The following SHOC1 variants were observed in gnomAD, a reference collection of about 807,000 sequenced individuals.
The protein encoded by SHOC1 is protein shortage in chiasmata 1 ortholog.
Under a neutral mutation model 179.2 loss-of-function variants are expected in SHOC1, and 136 were observed. The ratio of observed to expected loss-of-function variants is 0.76; its 90% CI spans 0.66 to 0.87. The LOEUF is 0.87. Ranked by LOEUF, SHOC1 falls within the 40% of genes least tolerant of loss-of-function variation. SHOC1 has a pLI of 0.00. For synonymous variants in SHOC1, 489 were observed against 586.6 expected (o/e 0.83, Z 2.41); for missense variants, 1,538 against 1,700.8 (o/e 0.90, Z 1.68).
At position 111,775,971 on chromosome 9, in the gene SHOC1, T is replaced by G; in HGVS notation, c.262A>C (p.Thr88Pro). ...FFVEDFLEKK[T>P]ITRMVTQINC... is the part of the protein sequence containing the mutation. Reference sequence around the variant, plus strand: ...ATCTGGGTCACCATTCTTGTAATTGTTTTTCTGTGACAATATAAAATTACT... The same window carrying G: ...ATCTGGGTCACCATTCTTGTAATTGGTTTTCTGTGACAATATAAAATTACT... The change falls in exon 5 of 28, where the codon ACA becomes CCA. Residue 88 changes from threonine (T) to proline (P), a missense_variant. By Grantham distance (38) the Thr-to-Pro change is conservative. Coordinates refer to ENST00000682961, the MANE Select transcript of SHOC1 (RefSeq NM_001378211.1). 6.2e-7 allele frequency: 1 copy of G among 1,611,460 alleles called. No homozygotes were observed. Among genetic ancestry groups the G allele is most frequent in the South Asian group, 1.1e-5 (1 of 90,566 alleles).
intron 18 of SHOC1, among the ~76,000 whole-genome samples, chr9:111,710,133 G>C (rs1832476453): frequency 6.6e-6 from 1 of 152,066 alleles, no homozygotes; most frequent in African/African-American, 2.4e-5. Flanking sequence ...CCTGATTACA[G>C]ACAACTGTGG....
intron 24 of SHOC1, among the ~76,000 whole-genome samples, chr9:111,697,013 C>T (rs1037877954): frequency 7.9e-5 from 12 of 152,112 alleles, no homozygotes; most frequent in African/African-American, 2.9e-4. Context: ...TTGTGCAAAG[C>T]ACTATGCTAG....
chr9:111,738,139 T>C, intron 12 of SHOC1, 141 bp downstream of exon 12: 2 of 644,690 alleles, frequency 3.1e-6, no homozygotes, highest in Non-Finnish European at 4.8e-6. Flanking sequence ...AAATCCAAAG[T>C]CATAAATTCT....
chr9:111,756,286 T>C (rs368786189), intron 8 of SHOC1, 39 bp downstream of exon 8: 1 of 1,496,366 alleles, frequency 6.7e-7, no homozygotes, highest in African/African-American at 1.4e-5. Flanking sequence ...CATTCTTAAG[T>C]GGTTTTTACA....
In SHOC1 at chr9:111,769,975, G is replaced by GTTTGTTTTTTTT. The variant is rs1564161086; in HGVS notation, c.442+5815_442+5816insAAAAAAAACAAA. On this transcript the variant is annotated intron_variant, in intron 5 of 27. Transcript: ENST00000682961. ...AATCTAGCGAAAGGTTTTATCTTCT[G>GTTTGTTTTTTTT]TTTTTTTTTTGTTTTTTTTTTTTTT... 3.4e-4 allele frequency among the ~76,000 whole-genome samples: 30 copies of GTTTGTTTTTTTT among 87,780 alleles called. 2 individuals carry two copies. Among genetic ancestry groups the GTTTGTTTTTTTT allele is most frequent in the African/African-American group, 5.8e-4 (11 of 18,824 alleles). 57.6% of individuals were successfully genotyped at this position (87,780 alleles called of 152,430 possible).
chr9:111,703,700 G>T (rs557068306), intron 22 of SHOC1, among the ~76,000 whole-genome samples, 181 bp downstream of exon 22: 1 of 151,944 alleles, frequency 6.6e-6, no homozygotes, highest in Non-Finnish European at 1.5e-5. Context: ...AAGCTATAAG[G>T]CATCAGAGAA....
In SHOC1 at chr9:111,691,779, A is replaced by C; in HGVS notation, c.4198T>G (p.Cys1400Gly). The C allele has an allele frequency of 6.2e-7, 1 of 1,613,914 alleles. No individual in the cohort carries two copies. Among genetic ancestry groups the C allele is most frequent in the Non-Finnish European group, 8.5e-7 (1 of 1,179,950 alleles). The change falls in exon 27 of 28, where the codon TGT becomes GGT. Residue 1400 changes from cysteine to glycine, a missense_variant. Physicochemically the swap from Cys to Gly is radical, Grantham distance 159 (BLOSUM62 -3). Transcript: ENST00000682961. ...AGGCCTTCAGACTCATCTGATAGAC[A>C]TTTTTGCTGATCAGTGAATAAATTA... The part of the protein sequence containing the change: ...KGNLFTDQQK[C>G]LSDESEGLTC...
At chr9:111,723,730 A>G in intron 14 of SHOC1, 62 bp downstream of exon 14, 3 of 1,508,138 alleles carry the variant, frequency 2.0e-6, no homozygotes, top group Non-Finnish European at 2.7e-6. Flanking sequence ...TGTCCTAGCT[A>G]TCTAGGAAAG....
rs370690407 is a variant in SHOC1 at position 111,754,860 on chromosome 9, TA to T, written c.862+1464del. Among the ~76,000 whole-genome samples the T allele has an allele frequency of 3.0e-3, 452 of 152,360 alleles. 2 individuals carry two copies. The highest frequency in any genetic ancestry group is 9.7e-3 in the African/African-American group (405 of 41,594). ...GAAATAAGTCACAGATGACATATTA[TA>T]TGATTCCTTTTTTATTGAATGTTCA... is the stretch of plus-strand genomic sequence containing the variant. On this transcript the variant is annotated intron_variant, in intron 8 of 27. Coordinates refer to ENST00000682961, the MANE Select transcript of SHOC1 (RefSeq NM_001378211.1).
intron 10 of SHOC1, 109 bp from the exon 11 acceptor site, chr9:111,741,679 G>A: frequency 2.0e-6 from 1 of 510,004 alleles, no homozygotes; most frequent in Non-Finnish European, 3.2e-6. Flanking sequence ...TGTCGCCCAG[G>A]CTGGGGTACA....
intron 10 of SHOC1, among the ~76,000 whole-genome samples, 179 bp downstream of exon 10, chr9:111,746,055 A>G (rs1480784474): frequency 2.6e-5 from 4 of 152,202 alleles, no homozygotes; most frequent in African/African-American, 9.6e-5. Context: ...CTCTTTGCAT[A>G]TAAAACCAAA....
Position 111,758,206 on chromosome 9 carries a change from A to T in SHOC1, c.597-11T>A. 1 of 1,431,546 alleles carries T rather than the reference A, an allele frequency of 7.0e-7. No homozygotes were observed. The highest frequency in any genetic ancestry group is 9.6e-7 in the Non-Finnish European group (1 of 1,039,068). The allele number at this position is 1,431,546 out of a possible 1,614,324, so 88.7% of individuals were successfully genotyped here. ...AGAGAGAAACATTCCCTTAAAAAAAAATACATTAATTAGTGTTTACTAAAA... is the reference window on the plus strand; with the variant it reads ...AGAGAGAAACATTCCCTTAAAAAAATATACATTAATTAGTGTTTACTAAAA... On this transcript the variant is annotated splice_polypyrimidine_tract_variant and intron_variant, in intron 6 of 27. Transcript: ENST00000682961.
intron 2 of SHOC1, among the ~76,000 whole-genome samples, chr9:111,789,080 C>A (rs1374224963): frequency 6.6e-6 from 1 of 152,196 alleles, no homozygotes; most frequent in Non-Finnish European, 1.5e-5. Flanking sequence ...CCCAGTGATT[C>A]TAATTTCTCA....
chr9:111,686,951 T>C, intron 27 of SHOC1, 81 bp from the exon 28 acceptor site: 1 of 950,264 alleles, frequency 1.1e-6, no homozygotes, highest in Non-Finnish European at 1.5e-6. Flanking sequence ...TTTTTTTTTT[T>C]TTTTCTTTTT....
At chr9:111,723,253 G>A (rs1053523318) in intron 14 of SHOC1, among the ~76,000 whole-genome samples, 2 of 152,078 alleles carry the variant, frequency 1.3e-5, no homozygotes, top group Non-Finnish European at 2.9e-5. Context: ...ATTATTTAAA[G>A]ATTTGCATAA....
At chr9:111,694,614 T>C (rs1345792964) in intron 24 of SHOC1, among the ~76,000 whole-genome samples, 1 of 152,064 alleles carries the variant, frequency 6.6e-6, no homozygotes, top group African/African-American at 2.4e-5. Context: ...CATTTGGCAT[T>C]TATTAACAGA....
chr9:111,747,186 G>A (rs1343897728), intron 9 of SHOC1, among the ~76,000 whole-genome samples: 1 of 152,094 alleles, frequency 6.6e-6, no homozygotes, highest in Non-Finnish European at 1.5e-5. Context: ...ACTAGTAAGT[G>A]TGGTTTTATT....
chr9:111,772,218 C>A (rs752300461), intron 5 of SHOC1, among the ~76,000 whole-genome samples: 9 of 152,142 alleles, frequency 5.9e-5, no homozygotes, highest in South Asian at 4.2e-4. Flanking sequence ...GCTCAGCAAA[C>A]GTATTTCTCA....
chr9:111,747,864 C>T (rs1332691689), intron 9 of SHOC1, among the ~76,000 whole-genome samples: 3 of 152,036 alleles, frequency 2.0e-5, no homozygotes, highest in African/African-American at 7.2e-5. Context: ...GGATTACAGG[C>T]GTGAACCACC....
Sources: allele counts gnomAD v4.1 joint callset (sites outside exome capture counted in the v4.1 genomes callset), GRCh38; gene constraint gnomAD v4.1.1; transcripts MANE v1.5; gene names NCBI Gene and HGNC (gene_info 2026-07-23, HGNC 2026-07-21).